Variants in PPP1R13B observed in about 807,000 individuals in gnomAD.
PPP1R13B encodes protein phosphatase 1 regulatory subunit 13B, also known as apoptosis-stimulating of p53 protein 1.
In PPP1R13B, 44 loss-of-function variants were observed where a neutral mutation model predicts 119.8. The ratio of observed to expected loss-of-function variants is 0.37; its 90% CI spans 0.29 to 0.47. The LOEUF (loss-of-function observed/expected upper bound fraction) is 0.47, where lower values mean the gene tolerates loss of function less well. Ranked by LOEUF, PPP1R13B falls within the 20% of genes least tolerant of loss-of-function variation. The pLI, the probability that PPP1R13B is intolerant of heterozygous loss-of-function variation, is 0.99. For missense variants in PPP1R13B, 1,227 were observed against 1,413.5 expected (o/e 0.87, Z 2.12); for synonymous variants, 542 against 561.5 (o/e 0.97, Z 0.49).
At chr14:103,754,629 TGA>T (rs1421741547) in intron 5 of PPP1R13B, among the ~76,000 whole-genome samples, 1 of 151,016 alleles carries the variant, frequency 6.6e-6, no homozygotes, top group African/African-American at 2.4e-5. Context: ...AAGAAAAATG[TGA>T]GAGTATTCTA....
At chr14:103,746,701 G>C (rs2084394466) in intron 8 of PPP1R13B, 148 bp from the exon 9 acceptor site, 2 of 625,484 alleles carry the variant, frequency 3.2e-6, no homozygotes, top group Non-Finnish European at 5.2e-6. Context: ...TCAGCATCTA[G>C]AAGGGGAGAC....
chr14:103,786,852 C>T (rs1460796875), intron 2 of PPP1R13B, among the ~76,000 whole-genome samples: 2 of 147,458 alleles, frequency 1.4e-5, no homozygotes, highest in African/African-American at 2.5e-5. Context: ...GGGAGGATCG[C>T]TTGAGCCAAC....
At chr14:103,770,177 G>A (rs1378625129) in intron 4 of PPP1R13B, among the ~76,000 whole-genome samples, 1 of 151,896 alleles carries the variant, frequency 6.6e-6, no homozygotes. Flanking sequence ...ACAGGTGTGA[G>A]CCACCACGCC....
chr14:103,838,350 G>A (rs952086698), intron 1 of PPP1R13B, among the ~76,000 whole-genome samples: 2 of 152,038 alleles, frequency 1.3e-5, no homozygotes, highest in South Asian at 2.1e-4. Flanking sequence ...TGGGCTAAAC[G>A]GCAGTGGTAT....
At chr14:103,823,839 A>G (rs1282585228) in intron 1 of PPP1R13B, among the ~76,000 whole-genome samples, 2 of 152,104 alleles carry the variant, frequency 1.3e-5, no homozygotes, top group African/African-American at 4.8e-5. Flanking sequence ...CTTTAAAAAA[A>G]AAAGTCAACC....
chr14:103,825,249 T>C (rs1595827836), intron 1 of PPP1R13B, among the ~76,000 whole-genome samples: 1 of 152,240 alleles, frequency 6.6e-6, no homozygotes, highest in South Asian at 2.1e-4. Flanking sequence ...TTCTCGAGCC[T>C]CCCTATTCCC....
intron 7 of PPP1R13B, among the ~76,000 whole-genome samples, chr14:103,752,143 A>T (rs2084563932): frequency 6.6e-6 from 1 of 152,208 alleles, no homozygotes; most frequent in Non-Finnish European, 1.5e-5. Flanking sequence ...CCTGTTTAGC[A>T]TCCTTCCTAA....
At chr14:103,777,907 G>A (rs1416037107) in intron 4 of PPP1R13B, among the ~76,000 whole-genome samples, 2 of 150,924 alleles carry the variant, frequency 1.3e-5, no homozygotes, top group African/African-American at 4.9e-5. Context: ...TCATCATCCC[G>A]CCTCAGCCTC....
rs746630022 is a variant in PPP1R13B, at chr14:103,739,927, G to A, written c.2489C>T (p.Thr830Met). ...NNNNVATVPT[T>M]EQIPSPVAEA... Reference sequence around the variant, plus strand: ...AGCCACAGGACTCGGGATCTGCTCCGTGGTGGGGACCGTGGCCACGTTGTT... The same window carrying A: ...AGCCACAGGACTCGGGATCTGCTCCATGGTGGGGACCGTGGCCACGTTGTT... The change falls in exon 12 of 17, where the codon ACG (threonine) becomes ATG (methionine). Residue 830 changes from threonine to methionine, a missense_variant. Transcript: ENST00000202556. 8 of 1,614,018 alleles carry A rather than the reference G, an allele frequency of 5.0e-6. No individual in the cohort carries two copies. Among genetic ancestry groups the A allele is most frequent in the African/African-American group, 1.3e-5 (1 of 74,948 alleles).
At chr14:103,846,834 G>T (rs927470042) in intron 1 of PPP1R13B, 2 of 473,222 alleles carry the variant, frequency 4.2e-6, no homozygotes, top group Non-Finnish European at 8.2e-6. Flanking sequence ...CCGTGCACTC[G>T]GCACCTTTCC....
At position 103,734,231 on chromosome 14, in the gene PPP1R13B, C is replaced by T. The variant is rs901489662; in HGVS notation, c.*923G>A. The T allele has an allele frequency of 7.1e-5, 20 of 283,036 alleles. No homozygotes were observed. The highest frequency in any genetic ancestry group is 1.6e-4 in the East Asian group (2 of 12,334). The allele number at this position is 283,036 out of a possible 1,614,324, so 17.5% of individuals were successfully genotyped here. A position where few individuals can be genotyped will look rare whatever the true frequency, so the allele number is the denominator to read the frequency against. ...TGCCCCAGCTGCTGCTCCTTGGTGG[C>T]GGCCCCTCCTGACACCAGGCGTCTG... On this transcript the variant is annotated 3_prime_UTR_variant, in exon 17 of 17. Coordinates refer to ENST00000202556, the MANE Select transcript of PPP1R13B (RefSeq NM_015316.3).
At chr14:103,847,735 G>T (rs1322512782), upstream of PPP1R13B, 4 of 692,094 alleles carry the variant, frequency 5.8e-6, no homozygotes, top group East Asian at 1.3e-4. Flanking sequence ...CGCTCTCAGC[G>T]GCGGCCAGGT....
chr14:103,819,379 C>T (rs1172415274), intron 1 of PPP1R13B, among the ~76,000 whole-genome samples: 1 of 151,890 alleles, frequency 6.6e-6, no homozygotes, highest in Non-Finnish European at 1.5e-5. Context: ...GGCCTGTAGT[C>T]CCAGCTACTT....
At position 103,742,425 on chromosome 14, in the gene PPP1R13B, A is replaced by C; in HGVS notation, c.1321-134T>G. The C allele has an allele frequency of 7.5e-7, 1 of 1,330,796 alleles. No homozygotes were observed. Among genetic ancestry groups the C allele is most frequent in the Non-Finnish European group, 1.0e-6 (1 of 988,670 alleles). 82.4% of individuals were successfully genotyped at this position (1,330,796 alleles called of 1,614,324 possible). A position where few individuals can be genotyped will look rare whatever the true frequency, so the allele number is the denominator to read the frequency against. On this transcript the variant is annotated intron_variant, in intron 10 of 16. Transcript: ENST00000202556. The surrounding 1 kb of genome is among the most constrained non-coding windows in gnomAD (Gnocchi z 4.9). ...TGGCTGTGACCAGGACTTGGGGCAC[A>C]CTGTTGAGCTCATTGCCTGTCTGCA...
At chr14:103,817,123 T>C (rs1026198637) in intron 1 of PPP1R13B, among the ~76,000 whole-genome samples, 4 of 152,214 alleles carry the variant, frequency 2.6e-5, no homozygotes, top group Admixed American at 6.6e-5. Context: ...GCCTGGAGAT[T>C]ATCTATGTCA....
intron 2 of PPP1R13B, among the ~76,000 whole-genome samples, chr14:103,788,780 G>GA (rs2085535511): frequency 6.6e-6 from 1 of 152,026 alleles, no homozygotes; most frequent in Non-Finnish European, 1.5e-5. Flanking sequence ...TATTGTAACT[G>GA]AAAAAAATTA....
chr14:103,847,708 G>A (rs570707483), upstream of PPP1R13B: 3,714 of 806,036 alleles, frequency 4.6e-3, 63 homozygotes, highest in African/African-American at 0.044. Flanking sequence ...GGGCTTCCCG[G>A]CTCCGCCCGC....
chr14:103,847,618 C>A (rs2087091680), upstream of PPP1R13B: 1 of 986,208 alleles, frequency 1.0e-6, no homozygotes, highest in African/African-American at 1.7e-5. Context: ...CCGCAGGCCC[C>A]GCCCCCAGCG....
intron 4 of PPP1R13B, among the ~76,000 whole-genome samples, chr14:103,760,958 C>T (rs1413873677): frequency 6.6e-6 from 1 of 152,174 alleles, no homozygotes; most frequent in Admixed American, 6.5e-5. Flanking sequence ...ATTTGTCTCT[C>T]CAAATATTAG....
Sources: gnomAD v4.1 joint callset for allele counts (sites outside exome capture counted in the v4.1 genomes callset) on GRCh38, gnomAD v4.1.1 for gene constraint, Gnocchi (gnomAD v3.1) non-coding constraint, MANE v1.5 for transcripts, NCBI Gene and HGNC (gene_info 2026-07-23, HGNC 2026-07-21) for gene names.